The following DST variants were observed in gnomAD, a reference collection of about 807,000 sequenced individuals.
The protein encoded by DST is dystonin, also known as bullous pemphigoid antigen.
Under a neutral mutation model 875.2 loss-of-function variants are expected in DST, and 253 were observed. The observed-to-expected ratio is 0.29, with a 90% CI of 0.26 to 0.32. DST has a LOEUF of 0.32. Among genes scored for constraint, DST ranks in the 10% least tolerant of loss-of-function variants. The probability of loss-of-function intolerance (pLI) is 1.00; values close to 1 mark genes in which losing one functional copy is unlikely to be tolerated. For missense variants in DST, 8,287 were observed against 9,111.6 expected (o/e 0.91, Z 3.68); for synonymous variants, 3,124 against 3,197.1 (o/e 0.98, Z 0.77).
intron 4 of DST, among the ~76,000 whole-genome samples, chr6:56,813,670 C>A (rs760220052): frequency 1.3e-5 from 2 of 152,070 alleles, no homozygotes; most frequent in Non-Finnish European, 2.9e-5. Flanking sequence ...TTCTTTTAAG[C>A]CAGCCGAATT....
intron 4 of DST, among the ~76,000 whole-genome samples, chr6:56,814,141 CATT>C (rs1321584453): frequency 2.0e-5 from 3 of 152,144 alleles, no homozygotes; most frequent in Middle Eastern, 3.4e-3. Context: ...CAAAACTACA[CATT>C]ATTATTTATT....
chr6:56,800,126 G>A (rs1263456347), intron 4 of DST, among the ~76,000 whole-genome samples: 2 of 152,154 alleles, frequency 1.3e-5, no homozygotes, highest in East Asian at 1.9e-4. Flanking sequence ...AGATATGCCT[G>A]TAACCACCAG....
intron 58 of DST, among the ~76,000 whole-genome samples, chr6:56,560,036 A>C (rs543915416): frequency 6.6e-6 from 1 of 152,274 alleles, no homozygotes; most frequent in Admixed American, 6.6e-5. Context: ...TACTCCATGC[A>C]CAGCACTTCA....
rs757935802 is a variant in DST at position 56,508,633 on chromosome 6, T to C, written c.19135A>G (p.Met6379Val). 2.5e-6 allele frequency: 4 copies of C among 1,613,902 alleles called. No individual in the cohort carries two copies. The highest frequency in any genetic ancestry group is 2.2e-5 in the East Asian group (1 of 44,876). ...ELAEKFWCDHMSLIVTIKDTQ... is the reference protein window; with the variant it reads ...ELAEKFWCDHVSLIVTIKDTQ... The stretch of plus-strand genomic sequence containing the variant: ...TCTTTAATGGTAACTATCAATGACA[T>C]GTGATCACACCAGAACTTTTCTGCT... The change falls in exon 75 of 104, where the codon ATG (methionine) becomes GTG (valine). Residue 6379 changes from methionine to valine, a missense_variant. Met to Val is a conservative substitution (Grantham distance 21). Around this residue, in one of 10 missense-constraint regions of DST, gnomAD observed 1,292 missense variants for 1,552.7 expected, o/e 0.83. Coordinates refer to ENST00000680361, the MANE Select transcript of DST (RefSeq NM_001374736.1).
rs138507484 is a variant in DST, at chr6:56,654,586, CTATATATA to C, written c.1215-3350_1215-3343del. ...TCTTAAAAGAGCAATCTCCCCTAGG[CTATATATA>C]TATATATATATCTCCACACGTATAT... On this transcript the variant is annotated intron_variant, in intron 10 of 103. Coordinates refer to ENST00000680361, the MANE Select transcript of DST (RefSeq NM_001374736.1). Among the ~76,000 whole-genome samples the C allele has an allele frequency of 9.8e-5, 13 of 133,328 alleles. No individual in the cohort carries two copies. The South Asian group carries it at 2.0e-3, about 21-fold the overall frequency. The allele number at this position is 133,328 out of a possible 152,430, so 87.5% of individuals were successfully genotyped here.
chr6:56,624,719 C>G, intron 35 of DST, 91 bp from the exon 36 acceptor site: 1 of 827,750 alleles, frequency 1.2e-6, no homozygotes, highest in South Asian at 1.4e-5. Flanking sequence ...ATTAACTAGG[C>G]CTTCAGACAG....
intron 4 of DST, among the ~76,000 whole-genome samples, chr6:56,769,684 G>T (rs547694377): frequency 6.6e-6 from 1 of 152,236 alleles, no homozygotes; most frequent in African/African-American, 2.4e-5. Flanking sequence ...ACGTGTAGTG[G>T]CAGGGACCTG....
At chr6:56,586,768 T>G (rs1585739624) in intron 49 of DST, among the ~76,000 whole-genome samples, 1 of 152,166 alleles carries the variant, frequency 6.6e-6, no homozygotes, top group East Asian at 1.9e-4. Flanking sequence ...TCCGCTCTTC[T>G]GCAGACACCG....
chr6:56,594,311 C>T, intron 47 of DST, 118 bp from the exon 48 acceptor site: 1 of 752,186 alleles, frequency 1.3e-6, no homozygotes, highest in Non-Finnish European at 2.1e-6. Context: ...CAACTTGCTT[C>T]TCATTCCCCT....
chr6:56,873,574 G>A (rs980327324), intron 3 of DST, among the ~76,000 whole-genome samples: 2 of 152,090 alleles, frequency 1.3e-5, no homozygotes, highest in Admixed American at 6.5e-5. Context: ...CAACATAGAC[G>A]GAACTGGAAG....
At chr6:56,819,044 T>C (rs2153044820) in intron 4 of DST, among the ~76,000 whole-genome samples, 1 of 152,280 alleles carries the variant, frequency 6.6e-6, no homozygotes, top group East Asian at 1.9e-4. Flanking sequence ...AGCAAGGGCT[T>C]ATCTATACCA....
chr6:56,687,911 G>A (rs1216870746), intron 9 of DST, among the ~76,000 whole-genome samples: 1 of 152,126 alleles, frequency 6.6e-6, no homozygotes, highest in African/African-American at 2.4e-5. Flanking sequence ...GAGAACAAAA[G>A]TAATTAAAAA....
At chr6:56,723,425 G>A (rs1239461609) in intron 5 of DST, among the ~76,000 whole-genome samples, 7 of 152,206 alleles carry the variant, frequency 4.6e-5, no homozygotes, top group Middle Eastern at 3.4e-3. Context: ...TTAGCCGGGC[G>A]TGTTGGTGCA....
intron 5 of DST, among the ~76,000 whole-genome samples, chr6:56,728,191 A>G (rs1171313221): frequency 6.6e-6 from 1 of 152,250 alleles, no homozygotes; most frequent in South Asian, 2.1e-4. Flanking sequence ...ATAGTTCACA[A>G]TTTTATCAAC....
intron 49 of DST, among the ~76,000 whole-genome samples, chr6:56,585,078 G>A (rs1279738872): frequency 0.06 from 9,053 of 151,998 alleles, 810 homozygotes; most frequent in African/African-American, 0.2. Context: ...GTCTCTGCCC[G>A]GCTTTGGGAT....
chr6:56,816,343 G>A (rs568757631), intron 4 of DST, among the ~76,000 whole-genome samples: 1 of 151,966 alleles, frequency 6.6e-6, no homozygotes, highest in South Asian at 2.1e-4. Flanking sequence ...CCAAACTAAT[G>A]CAAAAAGTAC....
At chr6:56,659,453 A>C (rs1397481804) in intron 10 of DST, among the ~76,000 whole-genome samples, 2 of 152,324 alleles carry the variant, frequency 1.3e-5, no homozygotes, top group East Asian at 3.9e-4. Context: ...AAGCTAAAGG[A>C]GAGAGTATTT....
At chr6:56,511,855 G>A (rs181529593) in intron 72 of DST, among the ~76,000 whole-genome samples, 95 of 151,990 alleles carry the variant, frequency 6.3e-4, no homozygotes, top group African/African-American at 2.1e-3. Flanking sequence ...GAGACAAGAC[G>A]GGGGGAAGGA....
Position 56,872,822 on chromosome 6 carries a change from T to TC in DST, c.418-21219dup, listed in dbSNP as rs1554220749. 7.9e-3 allele frequency among the ~76,000 whole-genome samples: 789 copies of TC among 99,574 alleles called. 2 individuals are homozygous for TC. The highest frequency in any genetic ancestry group is 0.02 in the South Asian group (80 of 3,998). The allele number at this position is 99,574 out of a possible 152,430, so 65.3% of individuals were successfully genotyped here. ...TGCAGAATCTCTTCAATACACTGAT[T>TC]CCCCCCCCCCTTTTTTTTTTTTTCG... is the stretch of plus-strand genomic sequence containing the variant. On this transcript the variant is annotated intron_variant, in intron 3 of 103. Transcript: ENST00000680361.
Sources: allele counts gnomAD v4.1 joint callset (sites outside exome capture counted in the v4.1 genomes callset), GRCh38; gene constraint gnomAD v4.1.1; regional missense constraint gnomAD v4.1.1; transcripts MANE v1.5; gene names NCBI Gene and HGNC (gene_info 2026-07-23, HGNC 2026-07-21).